Variants in TENM1 observed in about 807,000 individuals in gnomAD.
The protein encoded by TENM1 is teneurin transmembrane protein 1.
TENM1 carries 35 observed loss-of-function variants against 174.8 expected under a neutral mutation model. The observed-to-expected ratio is 0.20, with a 90% CI of 0.15 to 0.27. The LOEUF is 0.27. Among genes scored for constraint, TENM1 ranks in the 10% least tolerant of loss-of-function variants. TENM1 has a pLI of 1.00. For synonymous variants in TENM1, 781 were observed against 798.7 expected (o/e 0.98, Z 0.37); for missense variants, 1,633 against 2,130.1 (o/e 0.77, Z 4.59).
At chrX:124,381,667 C>T (rs763414850) in intron 31 of TENM1, among the ~76,000 whole-genome samples, 1 of 111,616 alleles carries the variant, frequency 9.0e-6, no homozygotes, top group African/African-American at 3.2e-5. Context: ...AATACTTAGG[C>T]ACAGTGAGGC....
chrX:124,612,835 T>G (rs759945325), intron 11 of TENM1, among the ~76,000 whole-genome samples: 1 of 110,920 alleles, frequency 9.0e-6, no homozygotes, highest in African/African-American at 3.3e-5. Context: ...ATTGATCATC[T>G]ATCTATCATC....
At chrX:124,637,234 C>T (rs1378668407) in intron 11 of TENM1, among the ~76,000 whole-genome samples, 2 of 109,827 alleles carry the variant, frequency 1.8e-5, no homozygotes, top group Admixed American at 9.7e-5. Context: ...GGACTATGGG[C>T]GCACGCCACC....
intron 1 of TENM1, among the ~76,000 whole-genome samples, chrX:124,944,504 G>T (rs1388523392): frequency 1.8e-5 from 2 of 111,407 alleles, no homozygotes; most frequent in Admixed American, 9.6e-5. Context: ...AATAGCTTTT[G>T]TTTGAGGACA....
upstream of TENM1, among the ~76,000 whole-genome samples, chrX:124,964,664 T>C (rs2058702824): frequency 9.0e-6 from 1 of 111,675 alleles, no homozygotes; most frequent in African/African-American, 3.3e-5. Context: ...TTCGAGACGA[T>C]CAAGTGTCAT....
At chrX:124,864,803 G>C (rs2056973512) in intron 3 of TENM1, among the ~76,000 whole-genome samples, 1 of 109,675 alleles carries the variant, frequency 9.1e-6, no homozygotes, top group South Asian at 3.9e-4. Context: ...ACTATTTCAA[G>C]GCATTTATTA....
chrX:124,655,215 T>C (rs1403756607), intron 6 of TENM1, among the ~76,000 whole-genome samples: 4 of 111,664 alleles, frequency 3.6e-5, no homozygotes, highest in African/African-American at 1.3e-4. Context: ...TTGGGGGATT[T>C]AGACAGTGCT....
chrX:124,826,475 G>A (rs998379208), intron 3 of TENM1, among the ~76,000 whole-genome samples: 2 of 110,490 alleles, frequency 1.8e-5, no homozygotes, highest in Non-Finnish European at 3.8e-5. Context: ...ACTGTTAGGG[G>A]AATATTTAAG....
intron 3 of TENM1, among the ~76,000 whole-genome samples, chrX:124,791,259 A>G (rs2055173475): frequency 8.9e-6 from 1 of 112,196 alleles, no homozygotes; most frequent in African/African-American, 3.2e-5. Context: ...GGTTGGCTAC[A>G]TGACCTGTCC....
intron 25 of TENM1, among the ~76,000 whole-genome samples, chrX:124,408,120 A>G (rs1184532002): frequency 9.0e-6 from 1 of 110,849 alleles, no homozygotes; most frequent in Non-Finnish European, 1.9e-5. Context: ...GAGAAAAACA[A>G]TAATATCCAG....
the TENM1 span, among the ~76,000 whole-genome samples, chrX:125,156,931 A>C: frequency 2.6e-4 from 29 of 112,595 alleles, no homozygotes; most frequent in Non-Finnish European, 4.7e-4. Context: ...CTTTGCATGA[A>C]ACAAATATTT....
At chrX:124,608,269 C>A (rs2050204823) in intron 11 of TENM1, among the ~76,000 whole-genome samples, 1 of 111,319 alleles carries the variant, frequency 9.0e-6, no homozygotes, top group Non-Finnish European at 1.9e-5. Flanking sequence ...CGTGGGAAGT[C>A]CACATCAGAG....
At chrX:125,043,236 C>A in the TENM1 span, among the ~76,000 whole-genome samples, 183 of 83,203 alleles carry the variant, frequency 2.2e-3, no homozygotes, top group Non-Finnish European at 3.4e-3. Context: ...CAACCTACAA[C>A]ATGGGAGAAA....
chrX:124,763,425 T>C (rs1302558017), intron 3 of TENM1, among the ~76,000 whole-genome samples: 2 of 111,588 alleles, frequency 1.8e-5, no homozygotes, highest in Non-Finnish European at 3.8e-5. Context: ...TTATTAAGTG[T>C]TAGGTATGCT....
the TENM1 span, among the ~76,000 whole-genome samples, chrX:125,177,979 G>A: frequency 2.3e-4 from 26 of 111,519 alleles, no homozygotes; most frequent in African/African-American, 8.5e-4. Flanking sequence ...TGGAAAGATC[G>A]GAGCTAAATG....
At chrX:124,553,811 G>A (rs1249044318) in intron 14 of TENM1, among the ~76,000 whole-genome samples, 1 of 111,219 alleles carries the variant, frequency 9.0e-6, no homozygotes, top group Admixed American at 9.6e-5. Context: ...CTGGCTTAAA[G>A]TAAGCATTCA....
At position 124,823,769 on chromosome X, in the gene TENM1, A is replaced by G. The variant is rs182302198; in HGVS notation, c.535+70527T>C. ...AGAAACAATATTAAAATGCTATACTAAAGATAAAATTCTGTAATGAATGAA... is the reference window on the plus strand; with the variant it reads ...AGAAACAATATTAAAATGCTATACTGAAGATAAAATTCTGTAATGAATGAA... On this transcript the variant is annotated intron_variant, in intron 3 of 31. Coordinates refer to ENST00000422452, the Ensembl canonical transcript of TENM1. Among the ~76,000 whole-genome samples the G allele has an allele frequency of 4.5e-5, 5 of 111,917 alleles. No individual in the cohort carries two copies. The East Asian group carries it at 1.4e-3, about 31-fold the overall frequency.
the TENM1 span, among the ~76,000 whole-genome samples, chrX:125,047,794 T>C: frequency 8.9e-6 from 1 of 111,888 alleles, no homozygotes; most frequent in African/African-American, 3.2e-5. Flanking sequence ...TTCCTTTTTA[T>C]GTTTTTGTTA....
the TENM1 span, among the ~76,000 whole-genome samples, chrX:125,202,486 T>C: frequency 1.8e-5 from 2 of 112,155 alleles, no homozygotes; most frequent in Admixed American, 1.9e-4. Flanking sequence ...TCCAGGTTGG[T>C]ATCCCAGGAA....
chrX:124,561,821 A>T lies in TENM1; in HGVS notation c.2288-4T>A. 1 of 1,209,444 alleles carries T rather than the reference A, an allele frequency of 8.3e-7. No homozygotes were observed. Among genetic ancestry groups the T allele is most frequent in the Non-Finnish European group, 1.1e-6 (1 of 893,967 alleles). ...AAGCAGAGCCCTGGGCAGCCATCTG[A>T]AAAGACATCAGAGAGTAACCATCAC... On this transcript the variant is annotated splice_polypyrimidine_tract_variant and splice_region_variant and intron_variant, in intron 13 of 31. Transcript: ENST00000422452.
Sources: gnomAD v4.1 joint callset for allele counts (sites outside exome capture counted in the v4.1 genomes callset) on GRCh38, gnomAD v4.1.1 for gene constraint, MANE v1.5 for transcripts, NCBI Gene and HGNC (gene_info 2026-07-23, HGNC 2026-07-21) for gene names.